The following KCNH5 variants were observed in gnomAD, a reference collection of about 807,000 sequenced individuals.
KCNH5 encodes the protein voltage-gated delayed rectifier potassium channel KCNH5.
KCNH5 carries 46 observed loss-of-function variants against 96.1 expected under a neutral mutation model. The ratio of observed to expected loss-of-function variants is 0.48; its 90% confidence interval spans 0.38 to 0.61. KCNH5 has a LOEUF of 0.61. Ranked by LOEUF, KCNH5 falls within the 20% of genes least tolerant of loss-of-function variation. The pLI is 0.00. For synonymous variants in KCNH5, 439 were observed against 449.8 expected, an observed-to-expected ratio of 0.98 and a Z score of 0.30; for missense variants, 907 against 1,225.8, an observed-to-expected ratio of 0.74 and a Z score of 3.88.
intron 7 of KCNH5, among the ~76,000 whole-genome samples, chr14:62,947,216 C>T (rs1260328411): frequency 6.6e-6 from 1 of 152,086 alleles, no homozygotes. Flanking sequence ...TCTAACTATG[C>T]TCAAGTATAA....
chr14:62,918,970 T>C (rs1889329149), intron 7 of KCNH5, among the ~76,000 whole-genome samples: 1 of 152,106 alleles, frequency 6.6e-6, no homozygotes, highest in African/African-American at 2.4e-5. Context: ...CAATATAGAA[T>C]TGCTTAAATA....
rs113235390 is a variant in KCNH5, at chr14:62,992,117, A to G, written c.434-4930T>C. On this transcript the variant is annotated intron_variant, in intron 4 of 10. Coordinates refer to ENST00000322893, the MANE Select transcript of KCNH5 (RefSeq NM_139318.5). ...TGTCTGGGTTGGTTCACTTAAGATAACGGATTCCAATTCCATCCATGTTGC... is the reference window on the plus strand; with the variant it reads ...TGTCTGGGTTGGTTCACTTAAGATAGCGGATTCCAATTCCATCCATGTTGC... Among the ~76,000 whole-genome samples the G allele has an allele frequency of 4.3e-3, 650 of 152,064 alleles. 5 individuals carry two copies. The highest frequency in any genetic ancestry group is 0.015 in the African/African-American group (620 of 41,486).
At chr14:62,997,899 CAAA>C (rs568941043) in intron 4 of KCNH5, among the ~76,000 whole-genome samples, 120 of 60,798 alleles carry the variant, frequency 2.0e-3, no homozygotes, top group African/African-American at 7.1e-3. Context: ...GACTCCATCT[CAAA>C]AAAAAAAAAA....
intron 7 of KCNH5, among the ~76,000 whole-genome samples, chr14:62,871,101 T>C (rs373298958): frequency 1.2e-4 from 19 of 152,352 alleles, no homozygotes; most frequent in African/African-American, 4.6e-4. Context: ...AAGTCAAACA[T>C]GTCAAGCTCT....
chr14:62,975,868 G>A (rs1466249892), intron 6 of KCNH5, among the ~76,000 whole-genome samples: 2 of 152,106 alleles, frequency 1.3e-5, no homozygotes, highest in African/African-American at 4.8e-5. Flanking sequence ...AAACTTGCCT[G>A]TTAAAGAGAC....
At chr14:63,001,507 C>T in intron 3 of KCNH5, 48 bp from the exon 4 acceptor site, 1 of 1,553,582 alleles carries the variant, frequency 6.4e-7, no homozygotes. Context: ...GTGGCACGGC[C>T]ACAGCAGTGG....
chr14:62,907,658 G>GTA (rs1188424618), intron 7 of KCNH5, among the ~76,000 whole-genome samples: 1 of 152,148 alleles, frequency 6.6e-6, no homozygotes, highest in Non-Finnish European at 1.5e-5. Context: ...TGAGTAACAG[G>GTA]TATAGAAAAC....
At chr14:62,868,180 G>C (rs918297294) in intron 7 of KCNH5, among the ~76,000 whole-genome samples, 3 of 152,236 alleles carry the variant, frequency 2.0e-5, no homozygotes, top group African/African-American at 7.2e-5. Context: ...GTGGTAGCTA[G>C]TCTATCCTGC....
At chr14:62,989,269 C>G (rs112427540) in intron 4 of KCNH5, among the ~76,000 whole-genome samples, 7 of 152,098 alleles carry the variant, frequency 4.6e-5, no homozygotes, top group African/African-American at 1.7e-4. Flanking sequence ...CACTGTATAT[C>G]CTTGGTATAC....
rs1566682403 is a variant in KCNH5 at position 62,852,987 on chromosome 14, G to A, written c.1370-3135C>T. 1.3e-5 allele frequency among the ~76,000 whole-genome samples: 2 copies of A among 152,092 alleles called. 1 individual carries two copies. Among genetic ancestry groups the A allele is most frequent in the African/African-American group, 4.8e-5 (2 of 41,460 alleles). On this transcript the variant is annotated intron_variant, in intron 7 of 10. Transcript: ENST00000322893. ...CTTCTTGGATGTCTAATCATTATTT[G>A]GATCTAACACATCCGAAAAGAAACT...
At chr14:62,711,682 C>T (rs936503735) in intron 10 of KCNH5, among the ~76,000 whole-genome samples, 1 of 152,168 alleles carries the variant, frequency 6.6e-6, no homozygotes, top group Admixed American at 6.5e-5. Flanking sequence ...CCAAAGTTCC[C>T]CTCTTTGCTC....
In KCNH5 at chr14:62,786,987, C is replaced by G. The variant is rs184453229; in HGVS notation, c.1823-7063G>C. On this transcript the variant is annotated intron_variant, in intron 9 of 10. Coordinates refer to ENST00000322893, the MANE Select transcript of KCNH5 (RefSeq NM_139318.5). ...CACAATAATATCGAAATTAGGCCAA[C>G]CAGCAACCTTAAAATGGCTTCCAAG... 1.4e-3 allele frequency among the ~76,000 whole-genome samples: 215 copies of G among 152,230 alleles called. 1 individual carries two copies. Among genetic ancestry groups the G allele is most frequent in the African/African-American group, 5.0e-3 (206 of 41,544 alleles).
intron 9 of KCNH5, among the ~76,000 whole-genome samples, chr14:62,788,732 G>C (rs943458839): frequency 6.6e-6 from 1 of 152,020 alleles, no homozygotes; most frequent in Admixed American, 6.6e-5. Context: ...CTGTCCACCA[G>C]CAAAAAGATT....
rs368910830 is a variant in KCNH5 at position 62,703,256 on chromosome 14, A to G, written c.*4252T>C. 8.6e-5 allele frequency: 13 copies of G among 151,914 alleles called. No homozygotes were observed. Among genetic ancestry groups the G allele is most frequent in the African/African-American group, 3.1e-4 (13 of 41,442 alleles). The allele number at this position is 151,914 out of a possible 1,614,324, so 9.4% of individuals were successfully genotyped here. A position where few individuals can be genotyped will look rare whatever the true frequency, so the allele number is the denominator to read the frequency against. ...TGCCTCTCTCCATTAACCTCTGACC[A>G]GATAAATCTCTTCTAAAACCTAAAA... is the stretch of plus-strand genomic sequence containing the variant. On this transcript the variant is annotated 3_prime_UTR_variant, in exon 11 of 11. Coordinates refer to ENST00000322893, the MANE Select transcript of KCNH5 (RefSeq NM_139318.5).
At chr14:62,855,112 C>T (rs540221084) in intron 7 of KCNH5, among the ~76,000 whole-genome samples, 2 of 151,774 alleles carry the variant, frequency 1.3e-5, no homozygotes, top group East Asian at 2.0e-4. Flanking sequence ...TGAGGAAGCC[C>T]GAGCATTTTT....
chr14:62,702,472 G>T lies in KCNH5; in HGVS notation c.*5036C>A. 1 of 151,958 alleles carries T rather than the reference G, an allele frequency of 6.6e-6. No individual in the cohort carries two copies. The highest frequency in any genetic ancestry group is 1.5e-5 in the Non-Finnish European group (1 of 67,870). 9.4% of individuals were successfully genotyped at this position (151,958 alleles called of 1,614,324 possible). On this transcript the variant is annotated 3_prime_UTR_variant, in exon 11 of 11. Coordinates refer to ENST00000322893, the MANE Select transcript of KCNH5 (RefSeq NM_139318.5). ...AAAGGTTTCTCCCTAAGGTCTGACTGCCTGTGTTAGAAACTCAACTTTACC... is the reference window on the plus strand; with the variant it reads ...AAAGGTTTCTCCCTAAGGTCTGACTTCCTGTGTTAGAAACTCAACTTTACC...
At chr14:63,024,225 T>TATAGATATAGATATAG (rs1566545179) in intron 1 of KCNH5, among the ~76,000 whole-genome samples, 2 of 146,632 alleles carry the variant, frequency 1.4e-5, no homozygotes, top group African/African-American at 5.0e-5. Context: ...TATATATATA[T>TATAGATATAGATATAG]ATATCTTGAG....
intron 2 of KCNH5, among the ~76,000 whole-genome samples, chr14:63,013,965 T>C (rs1481058795): frequency 6.6e-6 from 1 of 152,126 alleles, no homozygotes; most frequent in Non-Finnish European, 1.5e-5. Context: ...AAATAAATCA[T>C]GCTTCCAAGA....
chr14:62,741,258 A>G (rs1026085527), intron 10 of KCNH5, among the ~76,000 whole-genome samples: 7 of 152,174 alleles, frequency 4.6e-5, no homozygotes, highest in African/African-American at 7.2e-5. Flanking sequence ...ATATTTTCAG[A>G]TAAGGGGATA....
Sources: gnomAD v4.1 joint callset for allele counts (sites outside exome capture counted in the v4.1 genomes callset) on GRCh38, gnomAD v4.1.1 for gene constraint, MANE v1.5 for transcripts, NCBI Gene and HGNC (gene_info 2026-07-23, HGNC 2026-07-21) for gene names.